The following GALNT13 variants were observed in gnomAD, a reference collection of about 807,000 sequenced individuals.
GALNT13 encodes UDP-GalNAc:polypeptide N-acetylgalactosaminyltransferase 13.
In GALNT13, 28 loss-of-function variants were observed where a neutral mutation model predicts 64.2. The ratio of observed to expected loss-of-function variants is 0.44; its 90% CI spans 0.32 to 0.60. GALNT13 has a LOEUF of 0.60. Ranked by LOEUF, GALNT13 falls within the 20% of genes least tolerant of loss-of-function variation. GALNT13 has a pLI of 0.05. For synonymous variants in GALNT13, 214 were observed against 224.6 expected (o/e 0.95, Z 0.42); for missense variants, 577 against 669.8 (o/e 0.86, Z 1.53).
At chr2:153,073,900 G>C in the GALNT13 span, among the ~76,000 whole-genome samples, 1 of 152,072 alleles carries the variant, frequency 6.6e-6, no homozygotes, top group Non-Finnish European at 1.5e-5. Context: ...GAGAAGCTGA[G>C]TTGTATTACT....
At chr2:153,310,373 A>G in the GALNT13 span, among the ~76,000 whole-genome samples, 1 of 152,018 alleles carries the variant, frequency 6.6e-6, no homozygotes, top group Non-Finnish European at 1.5e-5. Flanking sequence ...AATACAGCTG[A>G]CCCTTCAACA....
At chr2:154,429,734 G>T (rs1015806639) in intron 11 of GALNT13, among the ~76,000 whole-genome samples, 1 of 152,184 alleles carries the variant, frequency 6.6e-6, no homozygotes, top group Admixed American at 6.5e-5. Context: ...CTAGAAAAGC[G>T]AAGTCATTGC....
chr2:154,202,814 C>T (rs936379895), intron 4 of GALNT13, among the ~76,000 whole-genome samples: 7 of 152,218 alleles, frequency 4.6e-5, no homozygotes, highest in South Asian at 2.1e-4. Context: ...TGACTACCAT[C>T]GGTGATTCCA....
intron 4 of GALNT13, among the ~76,000 whole-genome samples, chr2:154,198,129 A>T (rs1463578778): frequency 6.6e-6 from 1 of 152,104 alleles, no homozygotes; most frequent in Non-Finnish European, 1.5e-5. Context: ...CTTTTTAAGA[A>T]ATTAAAAAGG....
In GALNT13 at chr2:154,452,185, T is replaced by A. The variant is rs1047947034; in HGVS notation, c.*1634T>A. ...AATATAGACACCCCTCACCATGAGC[T>A]CTCTGTGAATCCGTGAATTTCCTAA... On this transcript the variant is annotated 3_prime_UTR_variant, in exon 13 of 13. Coordinates refer to ENST00000392825, the MANE Select transcript of GALNT13 (RefSeq NM_052917.4). 1.2e-4 allele frequency: 19 copies of A among 152,184 alleles called. No homozygotes were observed. Among genetic ancestry groups the A allele is most frequent in the African/African-American group, 4.6e-4 (19 of 41,548 alleles). 9.4% of individuals were successfully genotyped at this position (152,184 alleles called of 1,614,324 possible).
At chr2:153,924,340 T>G (rs1440138178) in intron 2 of GALNT13, among the ~76,000 whole-genome samples, 1 of 152,096 alleles carries the variant, frequency 6.6e-6, no homozygotes, top group Non-Finnish European at 1.5e-5. Flanking sequence ...ATTAGTTTGC[T>G]GAGGATAGTG....
chr2:153,168,839 T>C, the GALNT13 span, among the ~76,000 whole-genome samples: 1 of 152,196 alleles, frequency 6.6e-6, no homozygotes, highest in Admixed American at 6.5e-5. Context: ...AGACCTCATA[T>C]GCCCAAATGT....
the GALNT13 span, among the ~76,000 whole-genome samples, chr2:153,356,355 T>C: frequency 6.6e-6 from 1 of 152,230 alleles, no homozygotes; most frequent in African/African-American, 2.4e-5. Context: ...TTGATCTTTC[T>C]GGAAAAGTCT....
At chr2:154,328,363 C>T (rs1694987944) in intron 9 of GALNT13, among the ~76,000 whole-genome samples, 1 of 152,134 alleles carries the variant, frequency 6.6e-6, no homozygotes, top group Admixed American at 6.6e-5. Context: ...TACTCATCCA[C>T]ACTGATTCAT....
the GALNT13 span, among the ~76,000 whole-genome samples, chr2:153,544,068 A>C: frequency 6.6e-6 from 1 of 152,176 alleles, no homozygotes; most frequent in African/African-American, 2.4e-5. Context: ...CTCCACATAA[A>C]TATTCAGAGT....
intron 11 of GALNT13, among the ~76,000 whole-genome samples, chr2:154,411,068 G>T (rs1048745924): frequency 6.6e-6 from 1 of 151,806 alleles, no homozygotes; most frequent in African/African-American, 2.4e-5. Flanking sequence ...ATAGATGAAA[G>T]ATTGTATTGC....
At chr2:153,242,197 G>T in the GALNT13 span, among the ~76,000 whole-genome samples, 1 of 152,130 alleles carries the variant, frequency 6.6e-6, no homozygotes, top group Non-Finnish European at 1.5e-5. Context: ...TTATCTTTTG[G>T]TAATGGTGGC....
the GALNT13 span, among the ~76,000 whole-genome samples, chr2:153,280,445 A>G: frequency 6.6e-6 from 1 of 152,076 alleles, no homozygotes; most frequent in Non-Finnish European, 1.5e-5. Context: ...TAGTTACTCT[A>G]AGGGTACCAT....
At chr2:154,198,710 A>G (rs1393956630) in intron 4 of GALNT13, among the ~76,000 whole-genome samples, 1 of 152,046 alleles carries the variant, frequency 6.6e-6, no homozygotes, top group Non-Finnish European at 1.5e-5. Context: ...TTGAAAAAAT[A>G]AAAAGTAAAA....
the GALNT13 span, among the ~76,000 whole-genome samples, chr2:153,168,544 GGT>G: frequency 6.6e-6 from 1 of 151,930 alleles, no homozygotes; most frequent in Non-Finnish European, 1.5e-5. Flanking sequence ...TGTGTGGAGG[GGT>G]GTGTGTGTGG....
the GALNT13 span, among the ~76,000 whole-genome samples, chr2:153,406,266 A>C: frequency 7.9e-5 from 12 of 152,288 alleles, no homozygotes; most frequent in South Asian, 2.5e-3. Flanking sequence ...TTTCATTGAT[A>C]TTTCAGATTA....
chr2:154,056,505 C>A (rs1213133103), intron 3 of GALNT13, among the ~76,000 whole-genome samples: 1 of 151,982 alleles, frequency 6.6e-6, no homozygotes, highest in Non-Finnish European at 1.5e-5. Flanking sequence ...CTTTGGAAAC[C>A]CTTGAGTTTT....
chr2:153,837,825 G>T, the GALNT13 span, among the ~76,000 whole-genome samples: 1 of 151,952 alleles, frequency 6.6e-6, no homozygotes, highest in Admixed American at 6.6e-5. Context: ...TATAATTTTA[G>T]TGTTTTAAGG....
intron 3 of GALNT13, among the ~76,000 whole-genome samples, chr2:154,101,439 T>C (rs72870389): frequency 0.064 from 9,797 of 152,108 alleles, 422 homozygotes; most frequent in Middle Eastern, 0.13. Context: ...TTTGTGCACA[T>C]GGAAATGTTC....
Sources: allele counts gnomAD v4.1 joint callset (sites outside exome capture counted in the v4.1 genomes callset), GRCh38; gene constraint gnomAD v4.1.1; transcripts MANE v1.5; gene names NCBI Gene and HGNC (gene_info 2026-07-23, HGNC 2026-07-21).